ZC4H2: variants seen among roughly 807,000 people sequenced by gnomAD.
ZC4H2 encodes the protein zinc finger C4H2 domain-containing protein.
For synonymous variants in ZC4H2, 84 were observed against 66.3 expected (o/e 1.27, Z -1.30); for missense variants, 137 against 173.9 (o/e 0.79, Z 1.19).
intron 1 of ZC4H2, among the ~76,000 whole-genome samples, chrX:64,927,690 C>T (rs1235907664): frequency 8.9e-6 from 1 of 112,062 alleles, no homozygotes; most frequent in Non-Finnish European, 1.9e-5. Context: ...GGTTCTAGAT[C>T]CTTGAGGAAT....
chrX:65,013,350 T>C (rs1857197878), intron 1 of ZC4H2, among the ~76,000 whole-genome samples: 1 of 111,682 alleles, frequency 9.0e-6, no homozygotes, highest in Non-Finnish European at 1.9e-5. Context: ...CTAGTATCCA[T>C]TTCTCTGTGT....
intron 1 of ZC4H2, among the ~76,000 whole-genome samples, chrX:64,930,495 G>A (rs1929691321): frequency 9.0e-6 from 1 of 111,657 alleles, no homozygotes; most frequent in Non-Finnish European, 1.9e-5. Flanking sequence ...GTATAATGTT[G>A]CCTGTGGGTA....
intron 1 of ZC4H2, among the ~76,000 whole-genome samples, chrX:64,967,763 T>C (rs1931641015): frequency 8.9e-6 from 1 of 112,244 alleles, no homozygotes; most frequent in Non-Finnish European, 1.9e-5. Context: ...ATAGTCATGG[T>C]CCTCTGGGTC....
intron 1 of ZC4H2, among the ~76,000 whole-genome samples, chrX:65,028,040 A>C (rs1244525616): frequency 9.0e-6 from 1 of 111,712 alleles, no homozygotes; most frequent in Non-Finnish European, 1.9e-5. Context: ...CTTTACTTTC[A>C]ATAGGAAGAA....
At chrX:64,929,122 G>T (rs1479020346) in intron 1 of ZC4H2, among the ~76,000 whole-genome samples, 1 of 110,820 alleles carries the variant, frequency 9.0e-6, no homozygotes, top group Non-Finnish European at 1.9e-5. Context: ...CAAACTCCTG[G>T]CCTCCAGTGA....
At chrX:64,947,459 G>C (rs1930589749) in intron 1 of ZC4H2, among the ~76,000 whole-genome samples, 1 of 112,163 alleles carries the variant, frequency 8.9e-6, no homozygotes, top group South Asian at 3.7e-4. Context: ...GTATACCTAG[G>C]CTAAACTAAA....
At chrX:64,967,670 A>C (rs1024343934) in intron 1 of ZC4H2, among the ~76,000 whole-genome samples, 2 of 111,777 alleles carry the variant, frequency 1.8e-5, no homozygotes, top group Non-Finnish European at 3.8e-5. Flanking sequence ...CATTATTTCA[A>C]AGTCACCCAT....
intron 1 of ZC4H2, among the ~76,000 whole-genome samples, chrX:64,959,876 A>G (rs1040846992): frequency 9.0e-6 from 1 of 111,437 alleles, no homozygotes; most frequent in Admixed American, 9.5e-5. Context: ...TTTTGAATGT[A>G]AAATATGTGT....
At chrX:64,946,372 T>A (rs1284200791) in intron 1 of ZC4H2, among the ~76,000 whole-genome samples, 3 of 111,048 alleles carry the variant, frequency 2.7e-5, no homozygotes, top group Non-Finnish European at 5.7e-5. Context: ...TCCTTTGCAC[T>A]TCCTGGGTAA....
chrX:65,008,002 A>C (rs1932695119), intron 1 of ZC4H2, among the ~76,000 whole-genome samples: 1 of 111,700 alleles, frequency 9.0e-6, no homozygotes, highest in African/African-American at 3.3e-5. Context: ...AGCAATGGAA[A>C]CAATCAACAA....
intron 1 of ZC4H2, among the ~76,000 whole-genome samples, chrX:64,924,713 C>T (rs1415682205): frequency 9.0e-6 from 1 of 110,848 alleles, no homozygotes; most frequent in Admixed American, 9.6e-5. Flanking sequence ...ACAGTCCAGA[C>T]AAAAAGAATA....
chrX:65,009,150 T>C (rs1340406005), intron 1 of ZC4H2, among the ~76,000 whole-genome samples: 1 of 111,656 alleles, frequency 9.0e-6, no homozygotes, highest in Non-Finnish European at 1.9e-5. Context: ...TAATTAGCAA[T>C]ACAAGCAAAG....
intron 1 of ZC4H2, among the ~76,000 whole-genome samples, chrX:65,028,179 G>A (rs186905627): frequency 9.0e-6 from 1 of 111,006 alleles, no homozygotes; most frequent in Non-Finnish European, 1.9e-5. Context: ...TAGCTAGCTA[G>A]CTAGCTAGCT....
intron 1 of ZC4H2, among the ~76,000 whole-genome samples, chrX:64,954,780 C>A (rs537360912): frequency 9.0e-6 from 1 of 110,539 alleles, no homozygotes; most frequent in South Asian, 3.8e-4. Context: ...CCAAGTAGAA[C>A]AGAAAGTTAT....
intron 1 of ZC4H2, among the ~76,000 whole-genome samples, chrX:64,938,379 C>T: frequency 8.9e-6 from 1 of 112,081 alleles, no homozygotes; most frequent in Middle Eastern, 4.6e-3. Flanking sequence ...TATACCATTC[C>T]TTCTGAAACT....
At chrX:64,971,981 G>A (rs1931796701) in intron 1 of ZC4H2, among the ~76,000 whole-genome samples, 1 of 111,417 alleles carries the variant, frequency 9.0e-6, no homozygotes, top group South Asian at 3.8e-4. Context: ...GGGAGCTGGT[G>A]TAGGGCTCTG....
At position 64,919,064 on chromosome X, in the gene ZC4H2, C is replaced by T; in HGVS notation, c.539G>A (p.Arg180Lys). The T allele has an allele frequency of 8.5e-7, 1 of 1,174,273 alleles. No homozygotes were observed. Among genetic ancestry groups the T allele is most frequent in the Non-Finnish European group, 1.1e-6 (1 of 874,782 alleles). ...KQDTRQTATF[R>K]QQPPPMKACL... ...TACCTTCATAGGTGGGGGCTGCTGC[C>T]TGAAGGTGGCCGTCTGCCGAGTATC... Residue 180 changes from arginine to lysine, a missense_variant, in exon 4 of 5, where the codon AGG becomes AAG. Transcript: ENST00000374839.
intron 1 of ZC4H2, among the ~76,000 whole-genome samples, chrX:64,995,154 T>C (rs1223363922): frequency 1.1e-5 from 1 of 94,171 alleles, no homozygotes; most frequent in Non-Finnish European, 2.1e-5. Context: ...ATCAGGAAAA[T>C]GGCAGAGTAA....
At chrX:64,950,226 T>C (rs193177605) in intron 1 of ZC4H2, among the ~76,000 whole-genome samples, 109 of 111,953 alleles carry the variant, frequency 9.7e-4, no homozygotes, top group Non-Finnish European at 1.8e-3. Flanking sequence ...TTTGTTATAA[T>C]TTCTGTTCTT....
Sources: gnomAD v4.1 joint callset for allele counts (sites outside exome capture counted in the v4.1 genomes callset) on GRCh38, gnomAD v4.1.1 for gene constraint, MANE v1.5 for transcripts, NCBI Gene and HGNC (gene_info 2026-07-23, HGNC 2026-07-21) for gene names.